Variants in MVB12A observed in about 807,000 individuals in gnomAD.
MVB12A encodes CIN85/CD2AP family binding protein.
Under a neutral mutation model 34.3 loss-of-function variants are expected in MVB12A, and 30 were observed. The observed-to-expected ratio is 0.88, with a 90% confidence interval of 0.65 to 1.19. The LOEUF (loss-of-function observed/expected upper bound fraction) is 1.19. Among genes scored for constraint, MVB12A ranks in the 50% most tolerant of loss-of-function variants. The pLI is 0.00. For missense variants in MVB12A, 355 were observed against 369.2 expected (o/e 0.96, Z 0.31); for synonymous variants, 158 against 158.9 (o/e 0.99, Z 0.04).
upstream of MVB12A, chr19:17,417,832 C>T: frequency 3.1e-6 from 1 of 318,864 alleles, no homozygotes; most frequent in Non-Finnish European, 6.4e-6. Flanking sequence ...TGTCTTCCAA[C>T]TCTCAGAATA....
At chr19:17,410,754 CCCTGTCT>C (rs2074764129) in intron 2 of MVB12A, among the ~76,000 whole-genome samples, 1 of 145,214 alleles carries the variant, frequency 6.9e-6, no homozygotes, top group Non-Finnish European at 1.5e-5. Context: ...CATGGTGAAA[CCCTGTCT>C]CTACTAAAAA....
intron 3 of MVB12A, 107 bp downstream of exon 3, chr19:17,420,741 C>A (rs760271677): frequency 1.9e-4 from 142 of 748,588 alleles, no homozygotes; most frequent in Non-Finnish European, 3.1e-4. Flanking sequence ...CCCCCTGGCA[C>A]ACGGGGTGAT....
chr19:17,410,529 T>TATATATATACACACACACACACAC, intron 2 of MVB12A, among the ~76,000 whole-genome samples: 7 of 74,436 alleles, frequency 9.4e-5, no homozygotes, highest in African/African-American at 2.0e-4. Context: ...TATATATATA[T>TATATATATACACACACACACACAC]ACACACACAC....
chr19:17,416,122 G>A (rs148516997), upstream of MVB12A, among the ~76,000 whole-genome samples: 1,367 of 152,072 alleles, frequency 9.0e-3, 23 homozygotes, highest in African/African-American at 0.03. Flanking sequence ...TTGCTCTGTC[G>A]CCCAGGCTGG....
chr19:17,424,219 A>G, intron 7 of MVB12A, 152 bp downstream of exon 7: 1 of 728,740 alleles, frequency 1.4e-6, no homozygotes, highest in Non-Finnish European at 2.3e-6. Flanking sequence ...GAAGGTCTTC[A>G]GTCTTAGAAT....
intron 2 of MVB12A, among the ~76,000 whole-genome samples, chr19:17,410,587 TACACAC>T (rs1181843335): frequency 1.5e-5 from 2 of 133,530 alleles, no homozygotes; most frequent in Admixed American, 7.7e-5. Flanking sequence ...CATATATATA[TACACAC>T]ATATATATAT....
At chr19:17,424,700 G>A in intron 8 of MVB12A, 23 bp downstream of exon 8, 1 of 1,596,740 alleles carries the variant, frequency 6.3e-7, no homozygotes, top group East Asian at 2.2e-5. Context: ...CTAGGGAGGA[G>A]GTGGGTGCAG....
intron 4 of MVB12A, 130 bp downstream of exon 4, chr19:17,422,588 T>C (rs1435447722): frequency 1.4e-5 from 12 of 868,212 alleles, no homozygotes; most frequent in Non-Finnish European, 2.0e-5. Flanking sequence ...AGATTCTGCA[T>C]GTTAAAACCG....
Position 17,422,443 on chromosome 19 carries a change from GA to G in MVB12A, c.399del (p.Tyr134ThrfsTer4). 1 of 1,612,624 alleles carries G rather than the reference GA, an allele frequency of 6.2e-7. No homozygotes were observed. Among genetic ancestry groups the G allele is most frequent in the South Asian group, 1.1e-5 (1 of 90,888 alleles). Reference protein sequence around the residue: ...RLSGKTKTVPGYLRIGDMGGF... With the variant: ...RLSGKTKTVPXYLRIGDMGGF... ...AGTGGGAAGACCAAGACAGTGCCTG[GA>G]TACCTTCGAATAGGGTAGGGCCACC... On this transcript the variant is annotated frameshift_variant, in exon 4 of 9. Coordinates refer to ENST00000317040, the MANE Select transcript of MVB12A (RefSeq NM_138401.4). LOFTEE classifies it high-confidence loss of function.
At chr19:17,424,542 G>A (rs2074857972) in intron 7 of MVB12A, 79 bp from the exon 8 acceptor site, 31 of 1,429,236 alleles carry the variant, frequency 2.2e-5, no homozygotes, top group Non-Finnish European at 3.0e-5. Context: ...TTGGGGGGAG[G>A]GCAGGACCCC....
At chr19:17,421,513 T>A (rs982906749) in intron 3 of MVB12A, among the ~76,000 whole-genome samples, 2 of 152,072 alleles carry the variant, frequency 1.3e-5, no homozygotes, top group Admixed American at 1.3e-4. Context: ...TTTCTTAGAG[T>A]TGGCAAACTT....
Position 17,422,409 on chromosome 19 carries a change from G to A in MVB12A, c.364G>A (p.Val122Ile), listed in dbSNP as rs2074844079. The A allele has an allele frequency of 5.0e-6, 8 of 1,613,614 alleles. No individual in the cohort carries two copies. Among genetic ancestry groups the A allele is most frequent in the Non-Finnish European group, 6.8e-6 (8 of 1,179,820 alleles). The change falls in exon 4 of 9, where the codon GTC (valine) becomes ATC (isoleucine). Residue 122 changes from valine to isoleucine, a missense_variant. Physicochemically the swap from Val to Ile is conservative, Grantham distance 29. Coordinates refer to ENST00000317040, the MANE Select transcript of MVB12A (RefSeq NM_138401.4). ...LGATDTAVFD[V>I]RLSGKTKTVP... Reference sequence around the variant, plus strand: ...AGCCACGGACACGGCTGTGTTTGATGTCCGGCTGAGTGGGAAGACCAAGAC... The same window carrying A: ...AGCCACGGACACGGCTGTGTTTGATATCCGGCTGAGTGGGAAGACCAAGAC...
At chr19:17,424,874 C>G (rs1304325998) in intron 8 of MVB12A, 57 bp from the exon 9 acceptor site, 4 of 1,359,602 alleles carry the variant, frequency 2.9e-6, no homozygotes, top group Admixed American at 3.7e-5. Flanking sequence ...AGTCACTCCC[C>G]CTTTGGCCCT....
Position 17,424,615 on chromosome 19 carries a change from C to T in MVB12A, c.703-6C>T, listed in dbSNP as rs377326473. 101 of 1,611,132 alleles carry T rather than the reference C, an allele frequency of 6.3e-5. No individual in the cohort carries two copies. The highest frequency in any genetic ancestry group is 7.9e-5 in the Non-Finnish European group (93 of 1,178,776). ...GGCCCAAGGCTGACCCACCTCTGCC[C>T]GCCAGGCCTTCTCTGCTTTTGGGGA... On this transcript the variant is annotated splice_polypyrimidine_tract_variant and splice_region_variant and intron_variant, in intron 7 of 8. Transcript: ENST00000317040.
intron 4 of MVB12A, 134 bp from the exon 5 acceptor site, chr19:17,423,364 A>T (rs2074850052): frequency 9.9e-7 from 1 of 1,014,348 alleles, no homozygotes; most frequent in Non-Finnish European, 1.3e-6. Flanking sequence ...CGTCCCCAAA[A>T]AAAAAAAAAA....
upstream of MVB12A, chr19:17,417,897 CTT>C (rs2074811253): frequency 5.8e-5 from 15 of 259,396 alleles, no homozygotes; most frequent in South Asian, 2.0e-4. Flanking sequence ...TCTTCTTCTT[CTT>C]CCTTTTTTTT....
upstream of MVB12A, chr19:17,420,012 T>G (rs878882623): frequency 2.0e-3 from 609 of 297,632 alleles, 28 homozygotes; most frequent in South Asian, 0.062. Context: ...CCGGGCAATC[T>G]CCGCCCCCCC....
chr19:17,408,598 C>T (rs1335744254), intron 2 of MVB12A, among the ~76,000 whole-genome samples: 6 of 150,188 alleles, frequency 4.0e-5, no homozygotes, highest in Non-Finnish European at 8.9e-5. Context: ...AGGCGCCCAC[C>T]GCCATGCCTG....
At chr19:17,414,914 T>A (rs1373740571) in intron 2 of MVB12A, 1 of 151,792 alleles carries the variant, frequency 6.6e-6, no homozygotes, top group Non-Finnish European at 1.5e-5. Flanking sequence ...CCTTGATCAG[T>A]GGGGTGGTTC....
Sources: allele counts gnomAD v4.1 joint callset (sites outside exome capture counted in the v4.1 genomes callset), GRCh38; gene constraint gnomAD v4.1.1; transcripts MANE v1.5; gene names NCBI Gene and HGNC (gene_info 2026-07-23, HGNC 2026-07-21).